Variants in IL1RAPL2 observed in about 807,000 individuals in gnomAD.
IL1RAPL2 encodes the protein X-linked interleukin-1 receptor accessory protein-like 2.
A neutral mutation model predicts 44.1 loss-of-function variants in IL1RAPL2; 3 were observed. The ratio of observed to expected loss-of-function variants is 0.07; its 90% CI spans 0.03 to 0.18. The LOEUF (loss-of-function observed/expected upper bound fraction) is 0.18. Ranked by LOEUF, IL1RAPL2 falls within the 10% of genes least tolerant of loss-of-function variation. IL1RAPL2 has a pLI of 1.00. For synonymous variants in IL1RAPL2, 181 were observed against 178.8 expected (o/e 1.01, Z -0.10); for missense variants, 391 against 496.4 (o/e 0.79, Z 2.02).
At chrX:104,606,610 C>A (rs941584440) in intron 1 of IL1RAPL2, among the ~76,000 whole-genome samples, 2 of 111,889 alleles carry the variant, frequency 1.8e-5, no homozygotes, top group Non-Finnish European at 3.8e-5. Context: ...TGATAAGCAA[C>A]TTCAGCAAAG....
intron 1 of IL1RAPL2, among the ~76,000 whole-genome samples, chrX:104,596,249 G>C (rs1283192318): frequency 8.9e-6 from 1 of 111,751 alleles, no homozygotes; most frequent in Non-Finnish European, 1.9e-5. Context: ...ATTCTAATGT[G>C]ATATGAAATT....
At chrX:105,129,708 A>G (rs1418042240) in intron 2 of IL1RAPL2, among the ~76,000 whole-genome samples, 2 of 110,649 alleles carry the variant, frequency 1.8e-5, no homozygotes, top group African/African-American at 3.3e-5. Context: ...ATTCCTTAGT[A>G]TGCAGCCCAA....
At chrX:105,582,908 A>T (rs1684830741) in intron 6 of IL1RAPL2, among the ~76,000 whole-genome samples, 2 of 110,692 alleles carry the variant, frequency 1.8e-5, no homozygotes, top group South Asian at 7.5e-4. Context: ...TATGATCATA[A>T]GCAATATTGA....
At chrX:105,586,038 G>C (rs1249088553) in intron 6 of IL1RAPL2, among the ~76,000 whole-genome samples, 3 of 111,946 alleles carry the variant, frequency 2.7e-5, no homozygotes, top group Non-Finnish European at 5.6e-5. Flanking sequence ...CACAGCAAAA[G>C]AAACTACCAT....
intron 2 of IL1RAPL2, among the ~76,000 whole-genome samples, chrX:104,737,641 C>T (rs1223947257): frequency 9.0e-6 from 1 of 111,694 alleles, no homozygotes; most frequent in Non-Finnish European, 1.9e-5. Flanking sequence ...CTGGTAATGC[C>T]TGGCAAGGTA....
chrX:104,736,884 G>T (rs1225789156), intron 2 of IL1RAPL2, among the ~76,000 whole-genome samples: 1 of 111,985 alleles, frequency 8.9e-6, no homozygotes, highest in Non-Finnish European at 1.9e-5. Context: ...AATAGTGAAT[G>T]GTGATCATTG....
intron 2 of IL1RAPL2, among the ~76,000 whole-genome samples, chrX:104,975,738 AGGGCCCC>A (rs2030320876): frequency 1.8e-5 from 2 of 112,155 alleles, no homozygotes; most frequent in Non-Finnish European, 3.8e-5. Context: ...GCCCCAGTAC[AGGGCCCC>A]TCTCCAGGTG....
At chrX:104,672,098 T>A (rs1490364809) in intron 2 of IL1RAPL2, among the ~76,000 whole-genome samples, 1 of 111,281 alleles carries the variant, frequency 9.0e-6, no homozygotes, top group Non-Finnish European at 1.9e-5. Context: ...CCAATTGCTT[T>A]CTTTCTTTTT....
At chrX:104,961,378 T>G (rs142512006) in intron 2 of IL1RAPL2, among the ~76,000 whole-genome samples, 9 of 111,999 alleles carry the variant, frequency 8.0e-5, no homozygotes, top group Non-Finnish European at 1.1e-4. Context: ...CTGAATTAGC[T>G]TTTCAGATTT....
At chrX:105,475,700 C>A (rs746272662) in intron 5 of IL1RAPL2, among the ~76,000 whole-genome samples, 16 of 105,997 alleles carry the variant, frequency 1.5e-4, no homozygotes, top group Non-Finnish European at 2.7e-4. Flanking sequence ...AAAAAAAAAA[C>A]AAAACTACCA....
intron 5 of IL1RAPL2, among the ~76,000 whole-genome samples, chrX:105,481,146 G>T (rs112067128): frequency 1.8e-5 from 2 of 111,808 alleles, no homozygotes; most frequent in Non-Finnish European, 1.9e-5. Context: ...AGTCAAAGAG[G>T]CTAAAACCAC....
rs987686257 is a variant in IL1RAPL2 at position 104,938,424 on chromosome X, A to G, written c.83-257051A>G. On this transcript the variant is annotated intron_variant, in intron 2 of 10. Coordinates refer to ENST00000372582, the MANE Select transcript of IL1RAPL2 (RefSeq NM_017416.2). ...TCTAATAGCAATTAGAGTTTTCTTC[A>G]AGATACCTGTCAACAGTGTGTGACA... Among the ~76,000 whole-genome samples, 4 of 111,943 alleles carry G rather than the reference A, an allele frequency of 3.6e-5. No homozygotes were observed. The East Asian group carries it at 1.1e-3, about 31-fold the overall frequency.
intron 6 of IL1RAPL2, among the ~76,000 whole-genome samples, chrX:105,620,070 A>G (rs1247350371): frequency 9.0e-6 from 1 of 111,059 alleles, no homozygotes; most frequent in African/African-American, 3.3e-5. Flanking sequence ...TTTCACTCCT[A>G]TAATAGTGTA....
rs1004066937 is a variant in IL1RAPL2 at position 104,908,246 on chromosome X, A to G, written c.82+249251A>G. On this transcript the variant is annotated intron_variant, in intron 2 of 10. Coordinates refer to ENST00000372582, the MANE Select transcript of IL1RAPL2 (RefSeq NM_017416.2). Reference sequence around the variant, plus strand: ...GAATACAGCACACTGATAGATCTTGACTCTTTATCCAATTTGTCAGTCCGT... The same window carrying G: ...GAATACAGCACACTGATAGATCTTGGCTCTTTATCCAATTTGTCAGTCCGT... Among the ~76,000 whole-genome samples, 9 of 111,286 alleles carry G rather than the reference A, an allele frequency of 8.1e-5. No homozygotes were observed. In the South Asian group the frequency reaches 3.0e-3, roughly 38 times the overall value.
intron 6 of IL1RAPL2, among the ~76,000 whole-genome samples, chrX:105,578,905 G>A (rs1458352724): frequency 4.5e-5 from 5 of 111,820 alleles, no homozygotes; most frequent in African/African-American, 9.7e-5. Context: ...TCCATTTTAT[G>A]TTGACAGCTT....
intron 6 of IL1RAPL2, among the ~76,000 whole-genome samples, chrX:105,577,495 G>T (rs2037059135): frequency 9.1e-6 from 1 of 110,347 alleles, no homozygotes; most frequent in African/African-American, 3.3e-5. Context: ...TATCTCTTTG[G>T]CTTTCTTTTT....
chrX:104,670,378 C>A (rs1162569054), intron 2 of IL1RAPL2, among the ~76,000 whole-genome samples: 1 of 111,557 alleles, frequency 9.0e-6, no homozygotes, highest in Non-Finnish European at 1.9e-5. Flanking sequence ...CTTCCACCTG[C>A]TTTGTTCTAG....
chrX:105,662,147 C>G lies in IL1RAPL2; in HGVS notation c.773-55220C>G, dbSNP rs1345911994. On this transcript the variant is annotated intron_variant, in intron 6 of 10. Transcript: ENST00000372582. The stretch of plus-strand genomic sequence containing the variant: ...TATCTCTCATTCCTTTTCTTCTACA[C>G]TCTTCCTACTTTATCTTCCACCAAA... Among the ~76,000 whole-genome samples, 3 of 112,459 alleles carry G rather than the reference C, an allele frequency of 2.7e-5. No homozygotes were observed. In the East Asian group the frequency reaches 8.4e-4, roughly 31 times the overall value.
chrX:105,033,666 T>C (rs919066886), intron 2 of IL1RAPL2, among the ~76,000 whole-genome samples: 9 of 111,561 alleles, frequency 8.1e-5, no homozygotes, highest in Non-Finnish European at 1.5e-4. Flanking sequence ...ATTTTTTCCT[T>C]CATTTCAACT....
Sources: gnomAD v4.1 joint callset for allele counts (sites outside exome capture counted in the v4.1 genomes callset) on GRCh38, gnomAD v4.1.1 for gene constraint, MANE v1.5 for transcripts, NCBI Gene and HGNC (gene_info 2026-07-23, HGNC 2026-07-21) for gene names.